Variants in PDE3A observed in about 807,000 individuals in gnomAD.
The protein encoded by PDE3A is phosphodiesterase 3A.
In PDE3A, 43 loss-of-function variants were observed where a neutral mutation model predicts 98.3. The observed-to-expected ratio is 0.44, with a 90% CI of 0.34 to 0.56. PDE3A has a LOEUF of 0.56. Ranked by LOEUF, PDE3A falls within the 20% of genes least tolerant of loss-of-function variation. The pLI is 0.01. For synonymous variants in PDE3A, 663 were observed against 567.9 expected (o/e 1.17, Z -2.38); for missense variants, 1,427 against 1,440.7 (o/e 0.99, Z 0.15).
intron 1 of PDE3A, among the ~76,000 whole-genome samples, chr12:20,535,897 C>G (rs1299525985): frequency 6.6e-6 from 1 of 152,016 alleles, no homozygotes; most frequent in Non-Finnish European, 1.5e-5. Flanking sequence ...AGGGGATTTA[C>G]TCACAGAAAA....
chr12:20,604,935 G>A (rs1943675133), intron 2 of PDE3A, among the ~76,000 whole-genome samples: 1 of 152,086 alleles, frequency 6.6e-6, no homozygotes, highest in African/African-American at 2.4e-5. Context: ...AACAACTTAG[G>A]AACTTGGAAG....
At chr12:20,400,907 C>A (rs1438024274) in intron 1 of PDE3A, among the ~76,000 whole-genome samples, 1 of 152,048 alleles carries the variant, frequency 6.6e-6, no homozygotes, top group African/African-American at 2.4e-5. Flanking sequence ...ATCACAGATT[C>A]TCTTAAGATT....
intron 1 of PDE3A, among the ~76,000 whole-genome samples, chr12:20,458,009 T>A (rs1386626849): frequency 6.6e-6 from 1 of 152,152 alleles, no homozygotes; most frequent in Non-Finnish European, 1.5e-5. Flanking sequence ...ATCATTTACC[T>A]TTTTTCTTCA....
In PDE3A at chr12:20,681,228, G is replaced by A. The variant is rs954865; in HGVS notation, c.*957G>A. 0.27 allele frequency: 41,298 copies of A among 151,986 alleles called. 6,190 individuals are homozygous for A. The highest frequency in any genetic ancestry group is 0.42 in the Admixed American group (6,350 of 15,258). 9.4% of individuals were successfully genotyped at this position (151,986 alleles called of 1,614,324 possible). Reference sequence around the variant, plus strand: ...AGTCTACTTGCCTAATGAATGTATAGGAACTGTCTATGAGTATGGATGTCA... The same window carrying A: ...AGTCTACTTGCCTAATGAATGTATAAGAACTGTCTATGAGTATGGATGTCA... On this transcript the variant is annotated 3_prime_UTR_variant, in exon 16 of 16. Coordinates refer to ENST00000359062, the MANE Select transcript of PDE3A (RefSeq NM_000921.5).
Position 20,654,175 on chromosome 12 carries a change from G to A in PDE3A, c.3154G>A (p.Glu1052Lys). The change falls in exon 15 of 16, where the codon GAG (glutamate) becomes AAG (lysine). Residue 1052 changes from glutamate to lysine, a missense_variant. Around this residue, in one of 3 missense-constraint regions of PDE3A, gnomAD observed 142 missense variants for 133.9 expected, o/e 1.06. Transcript: ENST00000359062. ...EEEEAPAPNEEETCENNESPK... is the reference protein window; with the variant it reads ...EEEEAPAPNEKETCENNESPK... ...GGAAGAAGCACCAGCACCAAATGAA[G>A]AGGAAACCTGTGAAAATAATGAATC... 2 of 1,614,108 alleles carry A rather than the reference G, an allele frequency of 1.2e-6. No homozygotes were observed. Among genetic ancestry groups the A allele is most frequent in the Non-Finnish European group, 1.7e-6 (2 of 1,179,978 alleles).
chr12:20,455,332 G>T (rs534316606), intron 1 of PDE3A, among the ~76,000 whole-genome samples: 1 of 151,810 alleles, frequency 6.6e-6, no homozygotes, highest in South Asian at 2.1e-4. Flanking sequence ...TGTGAGTTTA[G>T]GTTCCTTACA....
chr12:20,390,438 G>C (rs1406081311), intron 1 of PDE3A, among the ~76,000 whole-genome samples: 1 of 146,302 alleles, frequency 6.8e-6, no homozygotes, highest in Non-Finnish European at 1.5e-5. Context: ...AGTAGTGGTG[G>C]GCAGGAAAGG....
rs200357225 is a variant in PDE3A, at chr12:20,673,860, T to A, written c.3185-6170T>A. Among the ~76,000 whole-genome samples, 5 of 151,236 alleles carry A rather than the reference T, an allele frequency of 3.3e-5. No individual in the cohort carries two copies. The East Asian group carries it at 9.7e-4, about 29-fold the overall frequency. On this transcript the variant is annotated intron_variant, in intron 15 of 15. Coordinates refer to ENST00000359062, the MANE Select transcript of PDE3A (RefSeq NM_000921.5). ...ACTTAAAGTATAATAAAAATAAAAA[T>A]AAAAAAAATAAAAATAAAAATAAAG... is the stretch of plus-strand genomic sequence containing the variant.
chr12:20,543,719 A>G (rs1169675047), intron 1 of PDE3A, among the ~76,000 whole-genome samples: 2 of 152,038 alleles, frequency 1.3e-5, no homozygotes, highest in Admixed American at 6.6e-5. Flanking sequence ...CATAATATAT[A>G]TCATGTGAAT....
intron 12 of PDE3A, 58 bp from the exon 13 acceptor site, chr12:20,648,630 A>G: frequency 5.5e-6 from 6 of 1,096,800 alleles, no homozygotes; most frequent in Non-Finnish European, 8.4e-6. Context: ...GCATATTCTC[A>G]TGATTTTTGT....
intron 1 of PDE3A, among the ~76,000 whole-genome samples, chr12:20,530,972 G>A (rs1046083252): frequency 1.3e-5 from 2 of 152,142 alleles, no homozygotes; most frequent in Non-Finnish European, 2.9e-5. Flanking sequence ...GTTAGGATGA[G>A]CACTCTCCCT....
intron 1 of PDE3A, among the ~76,000 whole-genome samples, chr12:20,539,111 T>C (rs1278741259): frequency 6.6e-6 from 1 of 152,126 alleles, no homozygotes; most frequent in African/African-American, 2.4e-5. Context: ...CAAAAGCAAG[T>C]ACCGGTTGAG....
At position 20,680,440 on chromosome 12, in the gene PDE3A, G is replaced by T; in HGVS notation, c.*169G>T. The stretch of plus-strand genomic sequence containing the variant: ...GTATATTTTTACAGTGAGGTACATT[G>T]TTAAAAACTTTTTGCTCAAAGAAGC... On this transcript the variant is annotated 3_prime_UTR_variant, in exon 16 of 16. Transcript: ENST00000359062. The T allele has an allele frequency of 4.3e-6, 3 of 699,538 alleles. No individual in the cohort carries two copies. The highest frequency in any genetic ancestry group is 7.0e-6 in the Non-Finnish European group (3 of 428,350). The allele number at this position is 699,538 out of a possible 1,614,324, so 43.3% of individuals were successfully genotyped here.
intron 1 of PDE3A, among the ~76,000 whole-genome samples, chr12:20,468,852 A>T (rs1041635347): frequency 6.6e-6 from 1 of 152,204 alleles, no homozygotes; most frequent in Admixed American, 6.5e-5. Flanking sequence ...AGTTTCAAAT[A>T]TATTTTCTGG....
At chr12:20,642,842 A>G (rs905196666) in intron 10 of PDE3A, among the ~76,000 whole-genome samples, 1 of 152,188 alleles carries the variant, frequency 6.6e-6, no homozygotes, top group African/African-American at 2.4e-5. Context: ...AAGAAAAAAA[A>G]ATATTTAAAG....
At chr12:20,390,895 A>G (rs541169278) in intron 1 of PDE3A, among the ~76,000 whole-genome samples, 5 of 152,086 alleles carry the variant, frequency 3.3e-5, no homozygotes, top group South Asian at 2.1e-4. Flanking sequence ...TGCAAAGACT[A>G]TCACCCTATT....
chr12:20,484,618 A>G (rs1315840048), intron 1 of PDE3A, among the ~76,000 whole-genome samples: 2 of 152,146 alleles, frequency 1.3e-5, no homozygotes, highest in South Asian at 2.1e-4. Flanking sequence ...TTTTGACTTG[A>G]ATTTTGTTTA....
chr12:20,396,779 C>T (rs1301055416), intron 1 of PDE3A, among the ~76,000 whole-genome samples: 5 of 152,086 alleles, frequency 3.3e-5, no homozygotes, highest in Admixed American at 6.6e-5. Context: ...TAGTTTGCCA[C>T]AGTTCATTGA....
intron 1 of PDE3A, among the ~76,000 whole-genome samples, chr12:20,531,569 C>T (rs1941599295): frequency 6.6e-6 from 1 of 151,878 alleles, no homozygotes; most frequent in African/African-American, 2.4e-5. Flanking sequence ...CAGTAGTAGC[C>T]TATCCTGTCT....
Sources: allele counts gnomAD v4.1 joint callset (sites outside exome capture counted in the v4.1 genomes callset), GRCh38; gene constraint gnomAD v4.1.1; regional missense constraint gnomAD v4.1.1; transcripts MANE v1.5; gene names NCBI Gene and HGNC (gene_info 2026-07-23, HGNC 2026-07-21).